The following RNF125 variants were observed in gnomAD, a reference collection of about 807,000 sequenced individuals.
The protein encoded by RNF125 is ring finger protein 125, also known as E3 ubiquitin-protein ligase RNF125.
A neutral mutation model predicts 26.0 loss-of-function variants in RNF125; 21 were observed. The ratio of observed to expected loss-of-function variants is 0.81; its 90% CI spans 0.57 to 1.16. The LOEUF (loss-of-function observed/expected upper bound fraction) is 1.16. Ranked by LOEUF, RNF125 falls within the 50% of genes most tolerant of loss-of-function variation. The pLI is 0.00. For missense variants in RNF125, 270 were observed against 299.4 expected (o/e 0.90, Z 0.72); for synonymous variants, 95 against 109.2 (o/e 0.87, Z 0.81).
chr18:32,075,508 A>G (rs1016376494), downstream of RNF125, among the ~76,000 whole-genome samples: 2 of 152,128 alleles, frequency 1.3e-5, no homozygotes, highest in African/African-American at 4.8e-5. Context: ...AGCCTGACCA[A>G]CATGGAGAAA....
At chr18:32,082,334 A>G in the RNF125 span, among the ~76,000 whole-genome samples, 2 of 152,172 alleles carry the variant, frequency 1.3e-5, no homozygotes, top group South Asian at 4.1e-4. Flanking sequence ...AAACACACAC[A>G]CACACATATA....
At chr18:32,065,558 G>A (rs565826641) in intron 4 of RNF125, among the ~76,000 whole-genome samples, 14 of 151,856 alleles carry the variant, frequency 9.2e-5, no homozygotes, top group South Asian at 2.1e-4. Context: ...TTTGTGTGTC[G>A]GAGTCTTGCT....
intron 3 of RNF125, among the ~76,000 whole-genome samples, chr18:32,044,872 GC>G (rs753753782): frequency 6.6e-6 from 1 of 151,968 alleles, no homozygotes. Flanking sequence ...CGAAATCTCA[GC>G]ACTTTGGGAG....
the RNF125 span, among the ~76,000 whole-genome samples, chr18:32,090,072 C>G: frequency 1.4e-4 from 21 of 152,134 alleles, no homozygotes; most frequent in Admixed American, 1.4e-3. Context: ...ATGGCAAAAC[C>G]CTGTCTCTAC....
chr18:32,021,231 C>G (rs1334140566), intron 1 of RNF125, among the ~76,000 whole-genome samples: 1 of 152,302 alleles, frequency 6.6e-6, no homozygotes, highest in South Asian at 2.1e-4. Context: ...CAGGTGCCGC[C>G]ACCACGCCCG....
intron 4 of RNF125, among the ~76,000 whole-genome samples, chr18:32,055,894 G>A (rs548613838): frequency 8.5e-5 from 12 of 141,194 alleles, no homozygotes; most frequent in Admixed American, 2.3e-4. Context: ...CAGGAGAATC[G>A]CTTGAACCTG....
intron 2 of RNF125, among the ~76,000 whole-genome samples, chr18:32,039,732 A>G (rs1299826886): frequency 6.7e-6 from 1 of 148,706 alleles, no homozygotes; most frequent in Non-Finnish European, 1.5e-5. Flanking sequence ...CCCCTCCCCC[A>G]TTATCTGATT....
At chr18:32,088,662 C>T in the RNF125 span, among the ~76,000 whole-genome samples, 4 of 152,048 alleles carry the variant, frequency 2.6e-5, no homozygotes, top group Non-Finnish European at 4.4e-5. Context: ...ATACCATGCC[C>T]GGTTAATTTT....
Position 32,069,083 on chromosome 18 carries a change from A to C in RNF125, c.*699A>C, listed in dbSNP as rs2144521028. On this transcript the variant is annotated 3_prime_UTR_variant, in exon 6 of 6. Coordinates refer to ENST00000217740, the MANE Select transcript of RNF125 (RefSeq NM_017831.4). ...GGACGTGTTGGCGGGCATCTGTAAT[A>C]CCAGCTACTTGGGAGGCTGAGGCAG... is the stretch of plus-strand genomic sequence containing the variant. 6.6e-6 allele frequency: 1 copy of C among 151,798 alleles called. No individual in the cohort carries two copies. Among genetic ancestry groups the C allele is most frequent in the Middle Eastern group, 3.4e-3 (1 of 296 alleles). The allele number at this position is 151,798 out of a possible 1,614,324, so 9.4% of individuals were successfully genotyped here.
At chr18:32,035,288 T>C (rs1156682527) in intron 1 of RNF125, among the ~76,000 whole-genome samples, 1 of 152,186 alleles carries the variant, frequency 6.6e-6, no homozygotes, top group Non-Finnish European at 1.5e-5. Flanking sequence ...TCTGTGTGCT[T>C]ATAGTAATTT....
chr18:32,074,683 C>A (rs1015192632), downstream of RNF125, among the ~76,000 whole-genome samples: 8 of 152,160 alleles, frequency 5.3e-5, no homozygotes, highest in African/African-American at 1.9e-4. Context: ...GCTGGGACTA[C>A]AGGCATGCAC....
At chr18:32,053,510 G>T (rs56403688) in intron 4 of RNF125, among the ~76,000 whole-genome samples, 13,906 of 152,224 alleles carry the variant, frequency 0.091, 2,081 homozygotes, top group African/African-American at 0.31. Context: ...AGGCATAGTG[G>T]CTCACACCTG....
intron 1 of RNF125, among the ~76,000 whole-genome samples, chr18:32,020,926 AAAAG>A (rs1371539142): frequency 2.0e-5 from 3 of 152,116 alleles, no homozygotes; most frequent in Non-Finnish European, 4.4e-5. Context: ...AGAAAGAAAA[AAAAG>A]AAAGTTTTGA....
chr18:32,036,097 T>G (rs1210141008), intron 1 of RNF125, among the ~76,000 whole-genome samples: 1 of 147,542 alleles, frequency 6.8e-6, no homozygotes, highest in Non-Finnish European at 1.5e-5. Context: ...GAGGCTGCAG[T>G]GAGCTGAGAT....
downstream of RNF125, among the ~76,000 whole-genome samples, chr18:32,078,070 G>A (rs1449339193): frequency 1.3e-5 from 2 of 152,120 alleles, no homozygotes; most frequent in Admixed American, 6.5e-5. Context: ...GATTACAGGC[G>A]TGAGCTACCA....
At chr18:32,065,159 T>C (rs1433630023) in intron 4 of RNF125, among the ~76,000 whole-genome samples, 1 of 152,228 alleles carries the variant, frequency 6.6e-6, no homozygotes, top group Non-Finnish European at 1.5e-5. Flanking sequence ...TACTGAGGTA[T>C]GGCTAATGGA....
the RNF125 span, among the ~76,000 whole-genome samples, chr18:32,085,558 G>A: frequency 6.7e-4 from 102 of 151,558 alleles, no homozygotes; most frequent in African/African-American, 1.8e-3. Flanking sequence ...AAAATTAGCC[G>A]GGTGTGGCGG....
intron 3 of RNF125, among the ~76,000 whole-genome samples, chr18:32,044,692 G>A (rs1315872852): frequency 6.6e-6 from 1 of 152,140 alleles, no homozygotes; most frequent in Non-Finnish European, 1.5e-5. Context: ...GCACCCAGCT[G>A]TCCTTGGATT....
chr18:32,042,425 A>T, intron 3 of RNF125, 152 bp downstream of exon 3: 1 of 612,656 alleles, frequency 1.6e-6, no homozygotes, highest in South Asian at 2.2e-5. Context: ...TCATTTGTTG[A>T]TAGCAATCAT....
Sources: allele counts gnomAD v4.1 joint callset (sites outside exome capture counted in the v4.1 genomes callset), GRCh38; gene constraint gnomAD v4.1.1; transcripts MANE v1.5; gene names NCBI Gene and HGNC (gene_info 2026-07-23, HGNC 2026-07-21).